Variants in LMOD1 observed in about 807,000 individuals in gnomAD.
LMOD1 encodes the protein leiomodin-1.
Under a neutral mutation model 36.5 loss-of-function variants are expected in LMOD1, and 8 were observed. The observed-to-expected ratio is 0.22, with a 90% CI of 0.13 to 0.40. The LOEUF is 0.40. LMOD1 is among the 10% of genes least tolerant of loss of function. The probability of loss-of-function intolerance (pLI) is 1.00; values close to 1 mark genes in which losing one functional copy is unlikely to be tolerated. For synonymous variants in LMOD1, 284 were observed against 288.7 expected (o/e 0.98, Z 0.17); for missense variants, 630 against 751.1 (o/e 0.84, Z 1.88).
chr1:201,900,761 CA>C lies in LMOD1; in HGVS notation c.262-11del. 2 of 1,568,118 alleles carry C rather than the reference CA, an allele frequency of 1.3e-6. No individual in the cohort carries two copies. The highest frequency in any genetic ancestry group is 1.7e-6 in the Non-Finnish European group (2 of 1,160,574). On this transcript the variant is annotated splice_polypyrimidine_tract_variant and intron_variant, in intron 1 of 2. Transcript: ENST00000367288. The stretch of plus-strand genomic sequence containing the variant: ...CCACTTGCTTGCTTTCCTAAGAATT[CA>C]GAAAAGAAAAATAATCATGAAAAGC...
At chr1:201,942,052 G>A (rs1333353365) in intron 1 of LMOD1, among the ~76,000 whole-genome samples, 1 of 152,220 alleles carries the variant, frequency 6.6e-6, no homozygotes, top group East Asian at 1.9e-4. Context: ...TTCTACCTGG[G>A]CTGAAGGAGA....
intron 1 of LMOD1, among the ~76,000 whole-genome samples, chr1:201,941,640 C>A (rs1682119176): frequency 6.6e-6 from 1 of 152,228 alleles, no homozygotes; most frequent in Non-Finnish European, 1.5e-5. Flanking sequence ...CCTTCCCGGC[C>A]CCGTAGAGAT....
In LMOD1 at chr1:201,900,535, T is replaced by C. The variant is rs1225403444; in HGVS notation, c.478A>G (p.Lys160Glu). ...TCCACTGCAGCCCTGACCCGGCCCTTGTCAATGCCCCGGATGATCTTCTCC... is the reference window on the plus strand; with the variant it reads ...TCCACTGCAGCCCTGACCCGGCCCTCGTCAATGCCCCGGATGATCTTCTCC... The part of the protein sequence containing the change: ...KEEKIIRGID[K>E]GRVRAAVDKK... Residue 160 changes from lysine to glutamate, a missense_variant, in exon 2 of 3, where the codon AAG becomes GAG. By Grantham distance (56) the Lys-to-Glu change is moderately conservative. Coordinates refer to ENST00000367288, the MANE Select transcript of LMOD1 (RefSeq NM_012134.3). The C allele has an allele frequency of 1.2e-6, 2 of 1,613,862 alleles. No individual in the cohort carries two copies. The highest frequency in any genetic ancestry group is 1.7e-6 in the Non-Finnish European group (2 of 1,179,874).
intron 1 of LMOD1, among the ~76,000 whole-genome samples, chr1:201,914,071 C>T (rs11580908): frequency 0.2 from 30,547 of 152,020 alleles, 3,226 homozygotes; most frequent in South Asian, 0.25. Context: ...TCTGCACCAC[C>T]CACCTTGACT....
chr1:201,926,201 CAT>C (rs893009023), intron 1 of LMOD1, among the ~76,000 whole-genome samples: 7 of 152,324 alleles, frequency 4.6e-5, no homozygotes, highest in African/African-American at 1.4e-4. Flanking sequence ...AAAAGAATAA[CAT>C]GTGTGGCCTT....
Position 201,900,006 on chromosome 1 carries a change from T to A in LMOD1, c.1007A>T (p.Asn336Ile). The change falls in exon 2 of 3, where the codon AAC becomes ATC. Residue 336 changes from asparagine to isoleucine, a missense_variant. Transcript: ENST00000367288. ...KNNDPEMTEV[N>I]VNNSDCITNE... is the part of the protein sequence containing the mutation. ...TGTGATGCAGTCTGAGTTGTTGACG[T>A]TCACCTCAGTCATCTCGGGGTCATT... The A allele has an allele frequency of 6.2e-7, 1 of 1,613,908 alleles. No individual in the cohort carries two copies. The highest frequency in any genetic ancestry group is 8.5e-7 in the Non-Finnish European group (1 of 1,179,886).
chr1:201,915,208 A>G (rs1681583508), intron 1 of LMOD1, among the ~76,000 whole-genome samples: 1 of 151,966 alleles, frequency 6.6e-6, no homozygotes, highest in Admixed American at 6.6e-5. Context: ...GCTCTCTGAT[A>G]GCTCCTTTAG....
At chr1:201,913,611 G>GA (rs938086567) in intron 1 of LMOD1, among the ~76,000 whole-genome samples, 5 of 151,676 alleles carry the variant, frequency 3.3e-5, no homozygotes, top group African/African-American at 7.3e-5. Context: ...TGTCTCAAAA[G>GA]AAAAAAAATA....
Position 201,902,540 on chromosome 1 carries a change from G to A in LMOD1, c.262-1789C>T, listed in dbSNP as rs895089671. ...TGACTCATGGCAACCTCTGCCTCCC[G>A]GGTTCAAGTGATTCTCCTGCCTCAG... On this transcript the variant is annotated intron_variant, in intron 1 of 2. Coordinates refer to ENST00000367288, the MANE Select transcript of LMOD1 (RefSeq NM_012134.3). Among the ~76,000 whole-genome samples, 9 of 151,920 alleles carry A rather than the reference G, an allele frequency of 5.9e-5. No homozygotes were observed. The South Asian group carries it at 8.3e-4, about 14-fold the overall frequency.
chr1:201,944,562 G>A (rs1682170526), intron 1 of LMOD1, among the ~76,000 whole-genome samples: 1 of 152,286 alleles, frequency 6.6e-6, no homozygotes, highest in South Asian at 2.1e-4. Context: ...CTCACAGTAA[G>A]TGCTACCACT....
At chr1:201,928,907 G>A (rs1446000217) in intron 1 of LMOD1, among the ~76,000 whole-genome samples, 5 of 151,886 alleles carry the variant, frequency 3.3e-5, no homozygotes, top group East Asian at 1.9e-4. Flanking sequence ...TAGTAGAGAC[G>A]GGGTTTTGCC....
intron 1 of LMOD1, among the ~76,000 whole-genome samples, chr1:201,934,251 G>T (rs1486495391): frequency 1.3e-5 from 2 of 152,166 alleles, no homozygotes; most frequent in Non-Finnish European, 2.9e-5. Context: ...TCTGACTATT[G>T]TCATAGCCTC....
rs144377382 is a variant in LMOD1 at position 201,938,290 on chromosome 1, C to G, written c.261+7790G>C. On this transcript the variant is annotated intron_variant, in intron 1 of 2. Coordinates refer to ENST00000367288, the MANE Select transcript of LMOD1 (RefSeq NM_012134.3). ...GATTACAGGCACGTGCCACCACGCC[C>G]GGCTAATTTTGTATTTTTAGTAGAG... Among the ~76,000 whole-genome samples the G allele has an allele frequency of 9.3e-3, 1,410 of 152,136 alleles. 23 individuals are homozygous for G. The highest frequency in any genetic ancestry group is 0.03 in the African/African-American group (1,246 of 41,514).
chr1:201,939,239 C>A (rs367720769), intron 1 of LMOD1, among the ~76,000 whole-genome samples: 1 of 152,004 alleles, frequency 6.6e-6, no homozygotes, highest in Non-Finnish European at 1.5e-5. Flanking sequence ...GAAGGTCTCT[C>A]GTGATGTGCC....
chr1:201,898,447 C>T, intron 2 of LMOD1, 49 bp from the exon 3 acceptor site: 1 of 1,553,026 alleles, frequency 6.4e-7, no homozygotes, highest in Non-Finnish European at 8.8e-7. Flanking sequence ...TCAGCCACCT[C>T]ACCTCCCTCC....
intron 1 of LMOD1, among the ~76,000 whole-genome samples, chr1:201,916,742 A>C (rs990231906): frequency 6.6e-6 from 1 of 152,194 alleles, no homozygotes. Context: ...TGCTGTGCCC[A>C]GGACCTGCCT....
rs368400320 is a variant in LMOD1 at position 201,899,715 on chromosome 1, G to A, written c.1298C>T (p.Thr433Met). ...CAGCAGCTTGGCGATCTCCATCTCCGTCTTGCCTCCACAGATGTGTCGCTG... is the reference window on the plus strand; with the variant it reads ...CAGCAGCTTGGCGATCTCCATCTCCATCTTGCCTCCACAGATGTGTCGCTG... The part of the protein sequence containing the change: ...HNQRHICGGK[T>M]EMEIAKLLKE... The change falls in exon 2 of 3, where the codon ACG (threonine) becomes ATG (methionine). Residue 433 changes from threonine to methionine, a missense_variant. Transcript: ENST00000367288. This position sits in a 1 kb window ranked among gnomAD's most constrained non-coding sequence, Gnocchi z 6.3. 8.7e-6 allele frequency: 14 copies of A among 1,614,054 alleles called. No homozygotes were observed. The highest frequency in any genetic ancestry group is 1.1e-5 in the Non-Finnish European group (13 of 1,179,908).
In LMOD1 at chr1:201,898,065, C is replaced by T. The variant is rs771221768; in HGVS notation, c.*307G>A. ...TTCCTGGATCACAGGCCTTTTGCAG[C>T]TTGCCAGCTACATGGGCCCTGGACA... On this transcript the variant is annotated 3_prime_UTR_variant, in exon 3 of 3. Coordinates refer to ENST00000367288, the MANE Select transcript of LMOD1 (RefSeq NM_012134.3). The T allele has an allele frequency of 2.8e-4, 103 of 373,966 alleles. No individual in the cohort carries two copies. The highest frequency in any genetic ancestry group is 9.7e-4 in the Admixed American group (22 of 22,586). The allele number at this position is 373,966 out of a possible 1,614,324, so 23.2% of individuals were successfully genotyped here.
At chr1:201,924,662 AAAAAAAGAAAGAAAGAAAGAAAGAAAG>A (rs1681786571) in intron 1 of LMOD1, among the ~76,000 whole-genome samples, 2 of 115,850 alleles carry the variant, frequency 1.7e-5, no homozygotes, top group Non-Finnish European at 3.3e-5. Context: ...GAAAGAAAGA[AAAAAAAGAAAGAAAGAAAGAAAGAAAG>A]AAAGAAAGAA....
Sources: gnomAD v4.1 joint callset for allele counts (sites outside exome capture counted in the v4.1 genomes callset) on GRCh38, gnomAD v4.1.1 for gene constraint, Gnocchi (gnomAD v3.1) non-coding constraint, MANE v1.5 for transcripts, NCBI Gene and HGNC (gene_info 2026-07-23, HGNC 2026-07-21) for gene names.